The following FBXO17 variants were observed in gnomAD, a reference collection of about 807,000 sequenced individuals.
FBXO17 encodes the protein F-box only protein 17.
FBXO17 carries 43 observed loss-of-function variants against 34.1 expected under a neutral mutation model. The ratio of observed to expected loss-of-function variants is 1.26; its 90% CI spans 0.99 to 1.62. FBXO17 has a LOEUF of 1.62. Ranked by LOEUF, FBXO17 falls within the 40% of genes most tolerant of loss-of-function variation. The pLI is 0.00. For missense variants in FBXO17, 424 were observed against 386.7 expected (o/e 1.10, Z -0.81); for synonymous variants, 169 against 166.0 (o/e 1.02, Z -0.14).
Position 38,950,166 on chromosome 19 carries a change from T to G in FBXO17, c.154A>C (p.Ile52Leu). The G allele has an allele frequency of 6.4e-7, 1 of 1,560,980 alleles. No individual in the cohort carries two copies. Among genetic ancestry groups the G allele is most frequent in the Non-Finnish European group, 8.6e-7 (1 of 1,159,236 alleles). Residue 52 changes from isoleucine to leucine, a missense_variant, in exon 2 of 6, where the codon ATA (isoleucine) becomes CTA (leucine). Coordinates refer to ENST00000292852, the MANE Select transcript of FBXO17 (RefSeq NM_024907.7). The stretch of plus-strand genomic sequence containing the variant: ...AGCCACACAGTGGGCCCGTCCACTA[T>G]GTCGCGCCAGGCGCGGCACACTGGG... ...CRPVCRAWRD[I>L]VDGPTVWLLQ...
At chr19:38,947,313 C>T (rs1027703169) in intron 3 of FBXO17, 1 of 152,202 alleles carries the variant, frequency 6.6e-6, no homozygotes, top group Non-Finnish European at 1.5e-5. Flanking sequence ...CGGCTGAGCG[C>T]GGTGGCTTAG....
chr19:38,954,291 A>G (rs966729789), intron 1 of FBXO17, among the ~76,000 whole-genome samples: 3 of 152,062 alleles, frequency 2.0e-5, no homozygotes, highest in Non-Finnish European at 4.4e-5. Flanking sequence ...CTTTTTTGAG[A>G]TGGAGTCTCG....
chr19:38,962,653 T>C (rs1431652419), intron 1 of FBXO17, among the ~76,000 whole-genome samples: 1 of 152,178 alleles, frequency 6.6e-6, no homozygotes, highest in African/African-American at 2.4e-5. Context: ...TTTCTCGGGC[T>C]ATCTTAGACT....
intron 1 of FBXO17, among the ~76,000 whole-genome samples, chr19:38,972,246 AC>A (rs1029084759): frequency 1.5e-4 from 22 of 148,278 alleles, no homozygotes; most frequent in African/African-American, 5.3e-4. Context: ...AAAAAAACAA[AC>A]AAAAAAACTA....
chr19:38,968,377 T>C (rs1975347751), intron 1 of FBXO17, among the ~76,000 whole-genome samples: 1 of 151,714 alleles, frequency 6.6e-6, no homozygotes, highest in South Asian at 2.1e-4. Flanking sequence ...TGTCAGCACT[T>C]TGGGAGGCCG....
intron 1 of FBXO17, among the ~76,000 whole-genome samples, chr19:38,952,136 T>C (rs1208782539): frequency 6.6e-6 from 1 of 151,954 alleles, no homozygotes; most frequent in Non-Finnish European, 1.5e-5. Flanking sequence ...GTAGTAGAGA[T>C]GGGGTTTCAC....
chr19:38,963,682 C>T (rs560350002), intron 1 of FBXO17, among the ~76,000 whole-genome samples: 3 of 152,222 alleles, frequency 2.0e-5, no homozygotes, highest in African/African-American at 7.2e-5. Context: ...CCTGTTTATC[C>T]ACTCAGTATG....
Position 38,950,223 on chromosome 19 carries a change from C to G in FBXO17, c.97G>C (p.Val33Leu). The G allele has an allele frequency of 1.3e-6, 2 of 1,543,260 alleles. No homozygotes were observed. The highest frequency in any genetic ancestry group is 1.9e-5 in the Admixed American group (1 of 52,824). Residue 33 changes from valine (V) to leucine (L), a missense_variant, in exon 2 of 6, where the codon GTG becomes CTG. Val to Leu is a conservative substitution (Grantham distance 32). Transcript: ENST00000292852. ...CGCGTGACCAAGGAGCGTGGCGGCA[C>G]GTGGCTCAGCACCTGCACCAGCAGC... ...PELLVQVLSHVPPRSLVTRCR... is the reference protein window; with the variant it reads ...PELLVQVLSHLPPRSLVTRCR...
Position 38,945,031 on chromosome 19 carries a change from C to T in FBXO17, c.631G>A (p.Val211Met). 1 of 1,614,240 alleles carries T rather than the reference C, an allele frequency of 6.2e-7. No individual in the cohort carries two copies. The highest frequency in any genetic ancestry group is 1.1e-5 in the South Asian group (1 of 91,090). ...VRLLDVYEKE[V>M]VKFSASPDPV... ...TCAGGTGAGGCTGAGAACTTGACCA[C>T]TTCCTTTTCATACACATCCAGAAGG... The change falls in exon 5 of 6, where the codon GTG (valine) becomes ATG (methionine). Residue 211 changes from valine (V) to methionine (M), a missense_variant. Coordinates refer to ENST00000292852, the MANE Select transcript of FBXO17 (RefSeq NM_024907.7).
intron 1 of FBXO17, among the ~76,000 whole-genome samples, chr19:38,952,076 A>G (rs1975093966): frequency 6.6e-6 from 1 of 151,918 alleles, no homozygotes; most frequent in African/African-American, 2.4e-5. Flanking sequence ...TCAGCCTCCC[A>G]AGTAGCTGGA....
At chr19:38,964,708 A>C (rs1038812694) in intron 1 of FBXO17, among the ~76,000 whole-genome samples, 2 of 152,008 alleles carry the variant, frequency 1.3e-5, no homozygotes, top group Non-Finnish European at 2.9e-5. Flanking sequence ...TGGAGGCTGC[A>C]GTGAACTATG....
chr19:38,944,307 G>A (rs2144807363), intron 5 of FBXO17, among the ~76,000 whole-genome samples: 1 of 133,538 alleles, frequency 7.5e-6, no homozygotes, highest in Non-Finnish European at 1.6e-5. Context: ...TCAGTCTGTT[G>A]CCCTGGCTGG....
In FBXO17 at chr19:38,948,359, G is replaced by A. The variant is rs1011557050; in HGVS notation, c.461+208C>T. Among the ~76,000 whole-genome samples, 12 of 152,344 alleles carry A rather than the reference G, an allele frequency of 7.9e-5. No individual in the cohort carries two copies. The East Asian group carries it at 1.9e-3, about 24-fold the overall frequency. ...GATGCACAGAGCATTGCTGCCTGTG[G>A]TTGCTAACCTTCCTGATCTTTCCTT... On this transcript the variant is annotated intron_variant, in intron 3 of 5. Transcript: ENST00000292852.
intron 1 of FBXO17, among the ~76,000 whole-genome samples, chr19:38,966,936 A>G (rs1416122047): frequency 1.3e-5 from 2 of 152,232 alleles, no homozygotes; most frequent in Non-Finnish European, 2.9e-5. Flanking sequence ...TTAAGAGTTA[A>G]AACTATAAAA....
rs1243912823 is a variant in FBXO17 at position 38,955,336 on chromosome 19, C to T, written c.-17-5000G>A. On this transcript the variant is annotated intron_variant, in intron 1 of 5. Transcript: ENST00000292852. ...CTCAACCTCCCAGGCTCAAGTGATC[C>T]TCCCACCTCAGCCTCCCAAACTGCT... is the stretch of plus-strand genomic sequence containing the variant. 2.6e-5 allele frequency among the ~76,000 whole-genome samples: 4 copies of T among 152,092 alleles called. No individual in the cohort carries two copies. In the East Asian group the frequency reaches 7.7e-4, roughly 29 times the overall value.
intron 3 of FBXO17, 88 bp downstream of exon 3, chr19:38,948,479 G>T: frequency 1.1e-6 from 1 of 914,452 alleles, no homozygotes; most frequent in Non-Finnish European, 1.7e-6. Context: ...AGAGGGTGAA[G>T]GTGACGATGA....
chr19:38,951,653 ATTTTTTT>A (rs578199067), intron 1 of FBXO17, among the ~76,000 whole-genome samples: 4 of 129,292 alleles, frequency 3.1e-5, no homozygotes, highest in African/African-American at 8.7e-5. Context: ...TTGGCTTTCT[ATTTTTTT>A]TTTTTTTTTT....
Position 38,946,684 on chromosome 19 carries a change from G to A in FBXO17, c.462-117C>T, listed in dbSNP as rs1160454423. Reference sequence around the variant, plus strand: ...AACCCTCTCTAAAGCAGCCCTCAGGGTTTGCTCTAGCAGACCTGAAGATGC... The same window carrying A: ...AACCCTCTCTAAAGCAGCCCTCAGGATTTGCTCTAGCAGACCTGAAGATGC... On this transcript the variant is annotated intron_variant, in intron 3 of 5. Transcript: ENST00000292852. 6 of 1,448,968 alleles carry A rather than the reference G, an allele frequency of 4.1e-6. No homozygotes were observed. In the East Asian group the frequency reaches 1.2e-4, roughly 29 times the overall value. 89.8% of individuals were successfully genotyped at this position (1,448,968 alleles called of 1,614,324 possible).
At chr19:38,957,470 C>A (rs1975182459) in intron 1 of FBXO17, among the ~76,000 whole-genome samples, 1 of 152,100 alleles carries the variant, frequency 6.6e-6, no homozygotes, top group African/African-American at 2.4e-5. Flanking sequence ...CTCAGCCTCC[C>A]GGGTAGCTGG....
Sources: gnomAD v4.1 joint callset for allele counts (sites outside exome capture counted in the v4.1 genomes callset) on GRCh38, gnomAD v4.1.1 for gene constraint, MANE v1.5 for transcripts, NCBI Gene and HGNC (gene_info 2026-07-23, HGNC 2026-07-21) for gene names.